ACTR2: variants seen among roughly 807,000 people sequenced by gnomAD.
The protein encoded by ACTR2 is actin-related protein 2.
ACTR2 carries 5 observed loss-of-function variants against 50.2 expected under a neutral mutation model. The observed-to-expected ratio is 0.10, with a 90% CI of 0.05 to 0.21. The LOEUF (loss-of-function observed/expected upper bound fraction) is 0.21. Ranked by LOEUF, ACTR2 falls within the 10% of genes least tolerant of loss-of-function variation. ACTR2 has a pLI of 1.00. For missense variants in ACTR2, 180 were observed against 480.6 expected (o/e 0.37, Z 5.85); for synonymous variants, 140 against 162.9 (o/e 0.86, Z 1.07).
At chr2:65,260,764 C>G (rs1043846112) in intron 6 of ACTR2, among the ~76,000 whole-genome samples, 4 of 141,710 alleles carry the variant, frequency 2.8e-5, no homozygotes, top group South Asian at 2.2e-4. Context: ...GAGTCTCGCT[C>G]TATTGCCCCT....
rs369188261 is a variant in ACTR2, at chr2:65,246,596, A to G, written c.232A>G (p.Ile78Val). The G allele has an allele frequency of 9.9e-6, 16 of 1,613,400 alleles. No individual in the cohort carries two copies. The highest frequency in any genetic ancestry group is 1.4e-5 in the Non-Finnish European group (16 of 1,179,654). Residue 78 changes from isoleucine (I) to valine (V), a missense_variant, in exon 3 of 9, where the codon ATA (isoleucine) becomes GTA (valine). By Grantham distance (29) the Ile-to-Val change is conservative (BLOSUM62 3). Coordinates refer to ENST00000260641, the MANE Select transcript of ACTR2 (RefSeq NM_005722.4). ...AGTTAACTACCCTATGGAAAATGGC[A>G]TAGTACGAAATTGGGATGACATGAA... The part of the protein sequence containing the change: ...LEVNYPMENG[I>V]VRNWDDMKHL...
At chr2:65,228,020 A>T in intron 1 of ACTR2, 63 bp downstream of exon 1, 7 of 1,443,304 alleles carry the variant, frequency 4.8e-6, no homozygotes, top group Non-Finnish European at 6.4e-6. Context: ...CAGCTGGCGC[A>T]CGGGCCCTCG....
intron 4 of ACTR2, among the ~76,000 whole-genome samples, chr2:65,253,108 A>G (rs1345850442): frequency 6.6e-6 from 1 of 152,138 alleles, no homozygotes; most frequent in Non-Finnish European, 1.5e-5. Flanking sequence ...ATTCAAAACT[A>G]TCTAAGTTGA....
At chr2:65,256,112 G>T (rs562081996) in intron 6 of ACTR2, among the ~76,000 whole-genome samples, 3 of 152,250 alleles carry the variant, frequency 2.0e-5, no homozygotes, top group African/African-American at 7.2e-5. Context: ...AGAGCCTTTG[G>T]TATGCTAATA....
intron 1 of ACTR2, among the ~76,000 whole-genome samples, chr2:65,230,401 TGA>T (rs1558618570): frequency 4.2e-5 from 6 of 141,902 alleles, no homozygotes; most frequent in African/African-American, 1.3e-4. Context: ...TAACCGAAGC[TGA>T]TTTTTTTTTT....
At chr2:65,265,506 T>C (rs1343221137) in intron 8 of ACTR2, among the ~76,000 whole-genome samples, 1 of 152,218 alleles carries the variant, frequency 6.6e-6, no homozygotes, top group Non-Finnish European at 1.5e-5. Flanking sequence ...TTTTGTTCTT[T>C]TTTTAAACTT....
chr2:65,270,372 T>C lies in ACTR2; in HGVS notation c.*1638T>C, dbSNP rs529300822. 6.5e-6 allele frequency: 1 copy of C among 152,728 alleles called. No homozygotes were observed. Among genetic ancestry groups the C allele is most frequent in the Admixed American group, 6.5e-5 (1 of 15,286 alleles). 9.5% of individuals were successfully genotyped at this position (152,728 alleles called of 1,614,324 possible). Reference sequence around the variant, plus strand: ...GTAGCTTCTGTTAATATTAAGTGTTTTTTGTCTGTTTTACCTCAATTTGAA... The same window carrying C: ...GTAGCTTCTGTTAATATTAAGTGTTCTTTGTCTGTTTTACCTCAATTTGAA... On this transcript the variant is annotated 3_prime_UTR_variant, in exon 9 of 9. Coordinates refer to ENST00000260641, the MANE Select transcript of ACTR2 (RefSeq NM_005722.4).
chr2:65,238,949 CAA>C (rs967821904), intron 1 of ACTR2, among the ~76,000 whole-genome samples: 3 of 151,872 alleles, frequency 2.0e-5, no homozygotes, highest in Admixed American at 6.6e-5. Context: ...GCCTGGGCGA[CAA>C]GAGTGAAACT....
chr2:65,247,438 A>G (rs1169465719), intron 3 of ACTR2, among the ~76,000 whole-genome samples: 1 of 151,954 alleles, frequency 6.6e-6, no homozygotes, highest in Non-Finnish European at 1.5e-5. Flanking sequence ...AATACAAAAA[A>G]TTAGCCGGGC....
intron 2 of ACTR2, chr2:65,241,989 C>G: frequency 6.3e-7 from 1 of 1,597,832 alleles, no homozygotes; most frequent in Non-Finnish European, 8.6e-7. Context: ...TTTATTTAGG[C>G]CTTTTCTGAC....
intron 2 of ACTR2, among the ~76,000 whole-genome samples, chr2:65,243,337 C>T (rs779303184): frequency 4.0e-5 from 6 of 151,582 alleles, no homozygotes; most frequent in African/African-American, 1.5e-4. Context: ...CTTATTTTAA[C>T]AGAAGTTTTT....
intron 8 of ACTR2, among the ~76,000 whole-genome samples, chr2:65,265,603 A>G (rs1243809908): frequency 6.6e-6 from 1 of 152,312 alleles, no homozygotes; most frequent in African/African-American, 2.4e-5. Context: ...TTGTCTTCTC[A>G]GTCAGATTGA....
intron 6 of ACTR2, among the ~76,000 whole-genome samples, chr2:65,258,243 T>G (rs1672189729): frequency 6.6e-6 from 1 of 152,088 alleles, no homozygotes; most frequent in Admixed American, 6.5e-5. Flanking sequence ...ATTTCTTCCT[T>G]CTCTCTTTTC....
chr2:65,227,905 G>T lies in ACTR2; in HGVS notation c.-5G>T. On this transcript the variant is annotated 5_prime_UTR_variant, in exon 1 of 9. Transcript: ENST00000260641. ...CGGCTGCAGCGGCTCTTCCCTGGGC[G>T]GACGATGGACAGCCAGGGCAGGAAG... The T allele has an allele frequency of 6.6e-7, 1 of 1,521,186 alleles. No homozygotes were observed. The highest frequency in any genetic ancestry group is 2.8e-5 in the East Asian group (1 of 35,798). The allele number at this position is 1,521,186 out of a possible 1,614,324, so 94.2% of individuals were successfully genotyped here.
At chr2:65,268,342 A>AG (rs1672424476) in intron 8 of ACTR2, among the ~76,000 whole-genome samples, 1 of 152,194 alleles carries the variant, frequency 6.6e-6, no homozygotes, top group Non-Finnish European at 1.5e-5. Flanking sequence ...CGTGTAAATC[A>AG]GGACTGTTCC....
In ACTR2 at chr2:65,239,777, AT is replaced by A. The variant is rs1162625299; in HGVS notation, c.49-70del. 4 of 952,662 alleles carry A rather than the reference AT, an allele frequency of 4.2e-6. No homozygotes were observed. In the African/African-American group the frequency reaches 6.5e-5, roughly 16 times the overall value. 59.0% of individuals were successfully genotyped at this position (952,662 alleles called of 1,614,324 possible). On this transcript the variant is annotated intron_variant, in intron 1 of 8. Transcript: ENST00000260641. The stretch of plus-strand genomic sequence containing the variant: ...AAATGTTATATAAATGCAAAGTGAT[AT>A]TTTTCAGATGCTGTCTTAAAATATA...
rs182080064 is a variant in ACTR2, at chr2:65,245,227, C to G, written c.160-1297C>G. 2.9e-4 allele frequency among the ~76,000 whole-genome samples: 44 copies of G among 151,646 alleles called. No homozygotes were observed. The East Asian group carries it at 8.2e-3, about 28-fold the overall frequency. ...ATATTTTTAAGCCTTTGTTTTAAAA[C>G]ATCTCATGTTGGCCAGGTGTGGTGG... is the stretch of plus-strand genomic sequence containing the variant. On this transcript the variant is annotated intron_variant, in intron 2 of 8. Coordinates refer to ENST00000260641, the MANE Select transcript of ACTR2 (RefSeq NM_005722.4).
At chr2:65,250,242 T>A (rs1279850777) in intron 3 of ACTR2, among the ~76,000 whole-genome samples, 1 of 151,822 alleles carries the variant, frequency 6.6e-6, no homozygotes, top group Non-Finnish European at 1.5e-5. Flanking sequence ...TGTACGCCTG[T>A]AGTCCCAGCT....
rs1176485828 is a variant in ACTR2 at position 65,265,378 on chromosome 2, A to G, written c.1014+203A>G. The G allele has an allele frequency of 4.6e-6, 3 of 645,858 alleles. No individual in the cohort carries two copies. In the African/African-American group the frequency reaches 5.4e-5, roughly 12 times the overall value. The allele number at this position is 645,858 out of a possible 1,614,324, so 40.0% of individuals were successfully genotyped here. A position where few individuals can be genotyped will look rare whatever the true frequency, so the allele number is the denominator to read the frequency against. On this transcript the variant is annotated intron_variant, in intron 8 of 8. Transcript: ENST00000260641. ...CTCTATAGAGTTGGTGGATGGAGGC[A>G]GTGAGGTCAGGGCCAAAAGTTCTGG... is the stretch of plus-strand genomic sequence containing the variant.
Sources: gnomAD v4.1 joint callset for allele counts (sites outside exome capture counted in the v4.1 genomes callset) on GRCh38, gnomAD v4.1.1 for gene constraint, MANE v1.5 for transcripts, NCBI Gene and HGNC (gene_info 2026-07-23, HGNC 2026-07-21) for gene names.